EPHB2: variants seen among roughly 807,000 people sequenced by gnomAD.
The protein encoded by EPHB2 is ephrin type-B receptor 2.
EPHB2 carries 18 observed loss-of-function variants against 96.4 expected under a neutral mutation model. The observed-to-expected ratio is 0.19, with a 90% CI of 0.13 to 0.28. The LOEUF is 0.28. Among genes scored for constraint, EPHB2 ranks in the 10% least tolerant of loss-of-function variants. The pLI is 1.00. For missense variants in EPHB2, 989 were observed against 1,355.4 expected (o/e 0.73, Z 4.25); for synonymous variants, 506 against 534.1 (o/e 0.95, Z 0.72).
rs552612458 is a variant in EPHB2 at position 22,810,167 on chromosome 1, C to T, written c.811+25091C>T. Among the ~76,000 whole-genome samples the T allele has an allele frequency of 2.9e-4, 44 of 152,246 alleles. No individual in the cohort carries two copies. The South Asian group carries it at 6.0e-3, about 21-fold the overall frequency. ...ACTTAGAGGGTTGGACTAGGCAGCT[C>T]TTGTGCGGGAGACCTGGGCACCAGC... On this transcript the variant is annotated intron_variant, in intron 3 of 15. Transcript: ENST00000374630.
intron 1 of EPHB2, among the ~76,000 whole-genome samples, chr1:22,780,121 G>A (rs1022247604): frequency 5.9e-5 from 9 of 152,318 alleles, no homozygotes; most frequent in South Asian, 2.1e-4. Flanking sequence ...TTGAATGAAC[G>A]CTTGAAAGGG....
chr1:22,873,174 G>T (rs2148538266), intron 5 of EPHB2, among the ~76,000 whole-genome samples: 1 of 152,370 alleles, frequency 6.6e-6, no homozygotes, highest in African/African-American at 2.4e-5. Context: ...GGGAGTCTCA[G>T]GGTCGACTGG....
Position 22,912,504 on chromosome 1 carries a change from C to T in EPHB2, c.2757C>T (p.Asp919=), listed in dbSNP as rs375575103. 58 of 1,614,128 alleles carry T rather than the reference C, an allele frequency of 3.6e-5. No individual in the cohort carries two copies. Among genetic ancestry groups the T allele is most frequent in the African/African-American group, 1.9e-4 (14 of 75,020 alleles). ...ACTACACCAGCTTTAACACGGTGGA[C>T]GAGTGGCTGGAGGCCATCAAGATGG... is the stretch of plus-strand genomic sequence containing the variant. ...IPDYTSFNTV[D]EWLEAIKMGQ... is the part of the protein sequence containing the mutation. Residue 919 remains aspartate (D), a synonymous_variant, in exon 15 of 16, where the codon GAC becomes GAT. Transcript: ENST00000374630.
intron 13 of EPHB2, among the ~76,000 whole-genome samples, chr1:22,909,579 G>A (rs140806179): frequency 4.1e-4 from 62 of 152,294 alleles, no homozygotes; most frequent in Admixed American, 7.2e-4. Context: ...CTGAGGCACC[G>A]GCAGCATGGG....
chr1:22,805,333 C>G (rs975347801), intron 3 of EPHB2, among the ~76,000 whole-genome samples: 12 of 152,184 alleles, frequency 7.9e-5, no homozygotes. Flanking sequence ...CAGTTTCCCC[C>G]CCAGGCCCTT....
chr1:22,840,083 G>A (rs1430454099), intron 3 of EPHB2, among the ~76,000 whole-genome samples: 1 of 152,088 alleles, frequency 6.6e-6, no homozygotes, highest in Non-Finnish European at 1.5e-5. Flanking sequence ...ATGGATGGAT[G>A]GATGGATGAA....
intron 1 of EPHB2, among the ~76,000 whole-genome samples, chr1:22,767,932 G>A (rs1018526030): frequency 1.3e-5 from 2 of 152,154 alleles, no homozygotes; most frequent in African/African-American, 2.4e-5. Context: ...GAGAAACATC[G>A]ACATGCGAGA....
At chr1:22,828,773 G>A (rs1645260717) in intron 3 of EPHB2, among the ~76,000 whole-genome samples, 1 of 152,214 alleles carries the variant, frequency 6.6e-6, no homozygotes, top group Non-Finnish European at 1.5e-5. Context: ...GAAGCACTAA[G>A]ACGACTAGGC....
chr1:22,851,359 T>C (rs780817810), intron 3 of EPHB2, among the ~76,000 whole-genome samples: 1 of 152,192 alleles, frequency 6.6e-6, no homozygotes, highest in Non-Finnish European at 1.5e-5. Context: ...CATGAGCTGA[T>C]GGCTGTTCTG....
At chr1:22,779,657 A>C (rs1382336135) in intron 1 of EPHB2, among the ~76,000 whole-genome samples, 2 of 152,216 alleles carry the variant, frequency 1.3e-5, no homozygotes, top group Non-Finnish European at 2.9e-5. Flanking sequence ...ATAGGCTAGG[A>C]GGCAAGACAC....
chr1:22,836,122 C>A (rs1413716587), intron 3 of EPHB2: 1 of 152,242 alleles, frequency 6.6e-6, no homozygotes, highest in Non-Finnish European at 1.5e-5. Flanking sequence ...GGGGGCCCCA[C>A]AGAGCAGCCT....
intron 1 of EPHB2, among the ~76,000 whole-genome samples, chr1:22,763,189 G>A (rs891675222): frequency 6.6e-6 from 1 of 152,220 alleles, no homozygotes; most frequent in African/African-American, 2.4e-5. Context: ...GCTACATCCT[G>A]CGGGATGGCC....
chr1:22,744,689 AAAAAAAAAAG>A (rs1221992275), intron 1 of EPHB2, among the ~76,000 whole-genome samples: 3 of 147,708 alleles, frequency 2.0e-5, no homozygotes, highest in African/African-American at 7.4e-5. Context: ...AAAAAAAAAA[AAAAAAAAAAG>A]GAAAGCATAG....
At position 22,721,846 on chromosome 1, in the gene EPHB2, A is replaced by T. The variant is rs114524243; in HGVS notation, c.61+10803A>T. 5.8e-3 allele frequency among the ~76,000 whole-genome samples: 872 copies of T among 151,156 alleles called. 10 individuals are homozygous for T. The highest frequency in any genetic ancestry group is 0.02 in the African/African-American group (836 of 41,156). On this transcript the variant is annotated intron_variant, in intron 1 of 15. Coordinates refer to ENST00000374630, the MANE Select transcript of EPHB2 (RefSeq NM_017449.5). ...GCCCAGGCTGGTCTTGAACTTGTGA[A>T]CTCAAGCAGTCCTCCTTCTTCAGCC...
chr1:22,887,072 A>G (rs982007761), intron 6 of EPHB2, among the ~76,000 whole-genome samples: 2 of 152,050 alleles, frequency 1.3e-5, no homozygotes, highest in African/African-American at 4.8e-5. Flanking sequence ...GGGTTCAGGG[A>G]GGATAGAGAA....
chr1:22,762,134 T>C (rs371873951), intron 1 of EPHB2, among the ~76,000 whole-genome samples: 7 of 152,156 alleles, frequency 4.6e-5, no homozygotes, highest in East Asian at 1.9e-4. Flanking sequence ...CCCGGAGTCA[T>C]CTGAGGCGAA....
chr1:22,792,622 A>G (rs2148436194), intron 3 of EPHB2, among the ~76,000 whole-genome samples: 1 of 152,234 alleles, frequency 6.6e-6, no homozygotes, highest in African/African-American at 2.4e-5. Flanking sequence ...ACATCCATCC[A>G]TCAGACATCC....
At chr1:22,791,471 C>CTTTTT (rs55650452) in intron 3 of EPHB2, among the ~76,000 whole-genome samples, 50 of 92,854 alleles carry the variant, frequency 5.4e-4, no homozygotes, top group Non-Finnish European at 6.1e-4. Context: ...TTCTTTCTTT[C>CTTTTT]TTTTTTTTTT....
intron 1 of EPHB2, among the ~76,000 whole-genome samples, chr1:22,778,500 A>G (rs1470481401): frequency 6.6e-6 from 1 of 152,192 alleles, no homozygotes; most frequent in Non-Finnish European, 1.5e-5. Context: ...GGGAGAGAGC[A>G]TGCTTGTGCT....
Sources: gnomAD v4.1 joint callset for allele counts (sites outside exome capture counted in the v4.1 genomes callset) on GRCh38, gnomAD v4.1.1 for gene constraint, MANE v1.5 for transcripts, NCBI Gene and HGNC (gene_info 2026-07-23, HGNC 2026-07-21) for gene names.